The following TRDN variants were observed in gnomAD, a reference collection of about 807,000 sequenced individuals.
The protein encoded by TRDN is triadin, also known as triadin in skeletal muscle.
Under a neutral mutation model 149.7 loss-of-function variants are expected in TRDN, and 161 were observed. The observed-to-expected ratio is 1.08, with a 90% CI of 0.95 to 1.23. The LOEUF (loss-of-function observed/expected upper bound fraction) is 1.23. Ranked by LOEUF, TRDN falls within the 50% of genes most tolerant of loss-of-function variation. The pLI, the probability that TRDN is intolerant of heterozygous loss-of-function variation, is 0.00. For synonymous variants in TRDN, 294 were observed against 250.5 expected (o/e 1.17, Z -1.64); for missense variants, 896 against 823.5 (o/e 1.09, Z -1.08).
chr6:123,237,064 C>T (rs1173371209), intron 38 of TRDN, among the ~76,000 whole-genome samples: 1 of 151,920 alleles, frequency 6.6e-6, no homozygotes, highest in Non-Finnish European at 1.5e-5. Flanking sequence ...TTTAGATTTT[C>T]TTTAATAATT....
chr6:123,527,326 TA>T (rs776462597), intron 5 of TRDN, among the ~76,000 whole-genome samples: 84 of 152,056 alleles, frequency 5.5e-4, no homozygotes, highest in Non-Finnish European at 9.1e-4. Flanking sequence ...TATATCTTTT[TA>T]TTTAAAACAT....
chr6:123,424,887 T>G (rs9320933), intron 12 of TRDN, among the ~76,000 whole-genome samples: 6 of 152,202 alleles, frequency 3.9e-5, no homozygotes, highest in African/African-American at 1.4e-4. Flanking sequence ...GTGGCTATGA[T>G]GAGTACAGCA....
intron 1 of TRDN, among the ~76,000 whole-genome samples, chr6:123,586,899 G>T (rs1033596054): frequency 6.6e-6 from 1 of 151,970 alleles, no homozygotes; most frequent in Non-Finnish European, 1.5e-5. Context: ...AGGGATTGGG[G>T]TGCAGAGATA....
intron 1 of TRDN, among the ~76,000 whole-genome samples, chr6:123,626,324 C>T (rs989612930): frequency 3.9e-5 from 6 of 151,948 alleles, no homozygotes; most frequent in African/African-American, 9.7e-5. Flanking sequence ...TCTACAAAAA[C>T]ATACAAAAAT....
chr6:123,346,098 G>A (rs553035714), intron 21 of TRDN, among the ~76,000 whole-genome samples: 4 of 152,122 alleles, frequency 2.6e-5, no homozygotes, highest in South Asian at 2.1e-4. Flanking sequence ...CATCCTTGCC[G>A]TGTTCCTGAC....
At chr6:123,245,151 G>A (rs75085592) in intron 38 of TRDN, among the ~76,000 whole-genome samples, 6,714 of 152,162 alleles carry the variant, frequency 0.044, 433 homozygotes, top group African/African-American at 0.15. Context: ...ATACCAAAAT[G>A]TGAAGACTAT....
In TRDN at chr6:123,620,227, G is replaced by A. The variant is rs544132608; in HGVS notation, c.22+16527C>T. On this transcript the variant is annotated intron_variant, in intron 1 of 40. Transcript: ENST00000334268. ...GGTTGCGGCTTTAAAACTTCAACGT[G>A]TGTCAGAATGATCTAAAAGGTTTGT... Among the ~76,000 whole-genome samples, 4 of 152,276 alleles carry A rather than the reference G, an allele frequency of 2.6e-5. No homozygotes were observed. In the South Asian group the frequency reaches 8.3e-4, roughly 32 times the overall value.
chr6:123,464,584 A>C, intron 10 of TRDN: 1 of 1,040,812 alleles, frequency 9.6e-7, no homozygotes, highest in Non-Finnish European at 1.2e-6. Flanking sequence ...GACTAAATTG[A>C]TCAAGTTGTG....
intron 12 of TRDN, among the ~76,000 whole-genome samples, chr6:123,410,458 G>T (rs1310105081): frequency 6.6e-6 from 1 of 152,046 alleles, no homozygotes; most frequent in Non-Finnish European, 1.5e-5. Context: ...GAAACAAAAT[G>T]AACCAAAATG....
intron 12 of TRDN, among the ~76,000 whole-genome samples, chr6:123,414,534 A>G (rs894329849): frequency 3.3e-5 from 5 of 152,142 alleles, no homozygotes; most frequent in African/African-American, 1.2e-4. Context: ...GTCAGGAAAA[A>G]TCAAATCTTT....
At chr6:123,260,677 A>T in intron 33 of TRDN, 39 bp from the exon 34 acceptor site, 3 of 1,371,688 alleles carry the variant, frequency 2.2e-6, no homozygotes, top group Non-Finnish European at 1.9e-6. Context: ...GAAAGAAAGG[A>T]AAAAAAATAA....
intron 12 of TRDN, among the ~76,000 whole-genome samples, chr6:123,407,956 A>T (rs1172012220): frequency 6.6e-6 from 1 of 152,240 alleles, no homozygotes; most frequent in Non-Finnish European, 1.5e-5. Flanking sequence ...CATTAAGAGC[A>T]TAAGTCCTAG....
intron 4 of TRDN, among the ~76,000 whole-genome samples, chr6:123,542,763 CAT>C (rs1780901436): frequency 6.6e-6 from 1 of 151,864 alleles, no homozygotes; most frequent in Non-Finnish European, 1.5e-5. Flanking sequence ...CTGAAAAAAA[CAT>C]ATATTTTTTA....
chr6:123,241,391 A>T (rs908270280), intron 38 of TRDN, among the ~76,000 whole-genome samples: 1 of 151,466 alleles, frequency 6.6e-6, no homozygotes, highest in African/African-American at 2.4e-5. Flanking sequence ...AAAAGAATAT[A>T]AACTTTTATA....
At chr6:123,577,500 G>A (rs896608199) in intron 1 of TRDN, among the ~76,000 whole-genome samples, 1 of 152,108 alleles carries the variant, frequency 6.6e-6, no homozygotes, top group African/African-American at 2.4e-5. Flanking sequence ...TGGCTGCATA[G>A]TATTCCATGG....
intron 9 of TRDN, among the ~76,000 whole-genome samples, chr6:123,474,447 A>G (rs1362614590): frequency 1.3e-5 from 2 of 152,102 alleles, no homozygotes; most frequent in Non-Finnish European, 2.9e-5. Context: ...TGACCTACAA[A>G]GAGACTTAGA....
intron 31 of TRDN, among the ~76,000 whole-genome samples, chr6:123,267,965 A>G (rs1401915610): frequency 2.0e-5 from 3 of 152,048 alleles, no homozygotes; most frequent in Admixed American, 2.0e-4. Flanking sequence ...TTTTTTCTAC[A>G]TTTGGCTGAA....
At chr6:123,582,635 T>C (rs1237941917) in intron 1 of TRDN, among the ~76,000 whole-genome samples, 1 of 152,056 alleles carries the variant, frequency 6.6e-6, no homozygotes, top group African/African-American at 2.4e-5. Flanking sequence ...TCACTTCTTT[T>C]ATGGTGGAAT....
At chr6:123,435,530 C>CACACAA (rs1774521382) in intron 12 of TRDN, among the ~76,000 whole-genome samples, 1 of 151,526 alleles carries the variant, frequency 6.6e-6, no homozygotes, top group Non-Finnish European at 1.5e-5. Context: ...GACACAGACA[C>CACACAA]ACACAAACAC....
Sources: gnomAD v4.1 joint callset for allele counts (sites outside exome capture counted in the v4.1 genomes callset) on GRCh38, gnomAD v4.1.1 for gene constraint, MANE v1.5 for transcripts, NCBI Gene and HGNC (gene_info 2026-07-23, HGNC 2026-07-21) for gene names.